KCNH6: variants seen among roughly 807,000 people sequenced by gnomAD.
KCNH6 encodes the protein voltage-gated inwardly rectifying potassium channel KCNH6.
In KCNH6, 81 loss-of-function variants were observed where a neutral mutation model predicts 83.4. The observed-to-expected ratio is 0.97, with a 90% CI of 0.81 to 1.17. The LOEUF (loss-of-function observed/expected upper bound fraction) is 1.17, where lower values mean the gene tolerates loss of function less well. Ranked by LOEUF, KCNH6 falls within the 50% of genes most tolerant of loss-of-function variation. The pLI is 0.00. For missense variants in KCNH6, 1,203 were observed against 1,290.5 expected (o/e 0.93, Z 1.04); for synonymous variants, 503 against 545.6 (o/e 0.92, Z 1.09).
chr17:63,545,248 T>C lies in KCNH6; in HGVS notation c.2567T>C (p.Phe856Ser), dbSNP rs768098274. 5.8e-5 allele frequency: 94 copies of C among 1,613,346 alleles called. No homozygotes were observed. The highest frequency in any genetic ancestry group is 7.5e-5 in the Non-Finnish European group (89 of 1,180,030). The change falls in exon 12 of 13, where the codon TTT becomes TCT. Residue 856 changes from phenylalanine to serine, a missense_variant. By Grantham distance (155) the Phe-to-Ser change is radical (BLOSUM62 -2). Coordinates refer to ENST00000314672, the MANE Select transcript of KCNH6 (RefSeq NM_001278919.2). ...CCAGGGCCCAGGCTGCCCCAGGGCT[T>C]TCTGCCTCCTGCACAGGTAAGAGGT... ...TSPGPRLPQG[F>S]LPPAQTPSYG...
intron 4 of KCNH6, 72 bp downstream of exon 4, chr17:63,530,614 A>C: frequency 7.0e-7 from 1 of 1,423,374 alleles, no homozygotes; most frequent in Admixed American, 1.7e-5. Context: ...CTCTGGGCCC[A>C]GGCCCTTCTG....
Position 63,523,392 on chromosome 17 carries a change from G to C in KCNH6, c.-22G>C, listed in dbSNP as rs202094439. ...GGGAGCCAGTGGCGCCTGTGGCTCC[G>C]GGCAGGGGCCGCGGCCGAAAGATGC... On this transcript the variant is annotated 5_prime_UTR_variant, in exon 1 of 13. Coordinates refer to ENST00000314672, the MANE Select transcript of KCNH6 (RefSeq NM_001278919.2). This position sits in a 1 kb window ranked among gnomAD's most constrained non-coding sequence, Gnocchi z 4.2. The C allele has an allele frequency of 1.3e-5, 20 of 1,580,682 alleles. No homozygotes were observed. The African/African-American group carries it at 1.9e-4, about 15-fold the overall frequency.
At position 63,524,762 on chromosome 17, in the gene KCNH6, G is replaced by T. The variant is rs769561738; in HGVS notation, c.307+393G>T. ...GAGTCACCTCCTGAAGACCTCTGTG[G>T]CCAGGCAAGGCATGGGGGCTTTTGG... is the stretch of plus-strand genomic sequence containing the variant. On this transcript the variant is annotated intron_variant, in intron 2 of 12. Transcript: ENST00000314672. 3.0e-4 allele frequency among the ~76,000 whole-genome samples: 45 copies of T among 152,138 alleles called. 1 individual carries two copies. Among genetic ancestry groups the T allele is most frequent in the Non-Finnish European group, 7.4e-5 (5 of 68,004 alleles).
chr17:63,544,282 C>A lies in KCNH6; in HGVS notation c.2267C>A (p.Ser756Tyr). The A allele has an allele frequency of 6.2e-7, 1 of 1,604,292 alleles. No individual in the cohort carries two copies. The highest frequency in any genetic ancestry group is 8.5e-7 in the Non-Finnish European group (1 of 1,175,286). ...AAPPLSISDA[S>Y]GLWPELLQEM... ...CCTCCCCTGAGCATCTCAGATGCAT[C>A]TGGCCTCTGGCCTGAGCTACTGCAG... The change falls in exon 11 of 13, where the codon TCT (serine) becomes TAT (tyrosine). Residue 756 changes from serine (S) to tyrosine (Y), a missense_variant. By Grantham distance (144) the Ser-to-Tyr change is moderately radical (BLOSUM62 -2). Coordinates refer to ENST00000314672, the MANE Select transcript of KCNH6 (RefSeq NM_001278919.2).
In KCNH6 at chr17:63,535,799, T is replaced by G; in HGVS notation, c.1232T>G (p.Ile411Arg). Residue 411 changes from isoleucine to arginine, a missense_variant, in exon 6 of 13, where the codon ATA becomes AGA. Ile to Arg is a moderately conservative substitution (Grantham distance 97). Coordinates refer to ENST00000314672, the MANE Select transcript of KCNH6 (RefSeq NM_001278919.2). The surrounding 1 kb of genome is among the most constrained non-coding windows in gnomAD (Gnocchi z 4.9). ...TTGCTCATGTGCACCTTCGCGCTCA[T>G]AGCGCACTGGCTGGCCTGCATCTGG... ...LFLLMCTFAL[I>R]AHWLACIWYA... 1 of 1,614,254 alleles carries G rather than the reference T, an allele frequency of 6.2e-7. No individual in the cohort carries two copies. The highest frequency in any genetic ancestry group is 1.6e-4 in the Middle Eastern group (1 of 6,062).
At position 63,545,265 on chromosome 17, in the gene KCNH6, G is replaced by GT. The variant is rs772498337; in HGVS notation, c.2583+2dup. On this transcript the variant is annotated splice_donor_variant, in intron 12 of 12. Transcript: ENST00000314672. LOFTEE classifies it high-confidence loss of function. ...CCAGGGCTTTCTGCCTCCTGCACAG[G>GT]TAAGAGGTGAGGGGATTCCCAGGGG... 2.5e-5 allele frequency: 40 copies of GT among 1,613,114 alleles called. No individual in the cohort carries two copies. The South Asian group carries it at 4.0e-4, about 16-fold the overall frequency.
In KCNH6 at chr17:63,523,390, C is replaced by T. The variant is rs1353725554; in HGVS notation, c.-24C>T. On this transcript the variant is annotated 5_prime_UTR_variant, in exon 1 of 13. Coordinates refer to ENST00000314672, the MANE Select transcript of KCNH6 (RefSeq NM_001278919.2). This position sits in a 1 kb window ranked among gnomAD's most constrained non-coding sequence, Gnocchi z 4.2. ...CCGGGAGCCAGTGGCGCCTGTGGCTCCGGGCAGGGGCCGCGGCCGAAAGAT... is the reference window on the plus strand; with the variant it reads ...CCGGGAGCCAGTGGCGCCTGTGGCTTCGGGCAGGGGCCGCGGCCGAAAGAT... The T allele has an allele frequency of 6.3e-7, 1 of 1,576,976 alleles. No homozygotes were observed. Among genetic ancestry groups the T allele is most frequent in the Non-Finnish European group, 8.6e-7 (1 of 1,164,690 alleles).
Position 63,545,170 on chromosome 17 carries a change from C to A in KCNH6, c.2489C>A (p.Ala830Asp), listed in dbSNP as rs146648647. 1,250 of 1,613,850 alleles carry A rather than the reference C, an allele frequency of 7.7e-4. 11 individuals are homozygous for A. In the South Asian group the frequency reaches 9.2e-3, roughly 12 times the overall value. The change falls in exon 12 of 13, where the codon GCC becomes GAC. Residue 830 changes from alanine (A) to aspartate (D), a missense_variant. Physicochemically the swap from Ala to Asp is moderately radical, Grantham distance 126 (BLOSUM62 -2). Coordinates refer to ENST00000314672, the MANE Select transcript of KCNH6 (RefSeq NM_001278919.2). ...GGCCACGCCAGCTACATTCTGGAAG[C>A]CCCTGCCTCCAATGACCTGGCCTTG... Reference protein sequence around the residue: ...PQGHASYILEAPASNDLALVP... With the variant: ...PQGHASYILEDPASNDLALVP...
In KCNH6 at chr17:63,538,804, G is replaced by A; in HGVS notation, c.1954+142G>A. 1.1e-6 allele frequency: 1 copy of A among 871,842 alleles called. No individual in the cohort carries two copies. The highest frequency in any genetic ancestry group is 2.0e-5 in the South Asian group (1 of 50,588). 54.0% of individuals were successfully genotyped at this position (871,842 alleles called of 1,614,324 possible). A position where few individuals can be genotyped will look rare whatever the true frequency, so the allele number is the denominator to read the frequency against. On this transcript the variant is annotated intron_variant, in intron 8 of 12. Transcript: ENST00000314672. This position sits in a 1 kb window ranked among gnomAD's most constrained non-coding sequence, Gnocchi z 4.0. The stretch of plus-strand genomic sequence containing the variant: ...CCACTTGCACAGCATGTGCCCGGGA[G>A]AGCTTTAGACCCAGCTGGCTGAATC...
At chr17:63,527,256 C>T (rs1390282461) in intron 2 of KCNH6, among the ~76,000 whole-genome samples, 3 of 152,190 alleles carry the variant, frequency 2.0e-5, no homozygotes. Flanking sequence ...ACCATATGCA[C>T]ATCTGTGAAT....
intron 2 of KCNH6, among the ~76,000 whole-genome samples, chr17:63,526,418 G>A (rs1435207471): frequency 6.9e-6 from 1 of 145,918 alleles, no homozygotes; most frequent in East Asian, 2.0e-4. Flanking sequence ...TTGAGACAGG[G>A]TCTTGCTCTG....
chr17:63,544,735 C>G (rs893580075), intron 11 of KCNH6, among the ~76,000 whole-genome samples: 1 of 152,136 alleles, frequency 6.6e-6, no homozygotes, highest in African/African-American at 2.4e-5. Flanking sequence ...GGTTCAAATT[C>G]TGGCTCTGTT....
rs775632939 is a variant in KCNH6, at chr17:63,538,451, C to T, written c.1743C>T (p.Cys581=). The T allele has an allele frequency of 2.5e-6, 4 of 1,603,364 alleles. No individual in the cohort carries two copies. The Admixed American group carries it at 6.8e-5, about 27-fold the overall frequency. The change falls in exon 8 of 13, where the codon TGC becomes TGT. Residue 581 remains cysteine, a synonymous_variant. Coordinates refer to ENST00000314672, the MANE Select transcript of KCNH6 (RefSeq NM_001278919.2). This position sits in a 1 kb window ranked among gnomAD's most constrained non-coding sequence, Gnocchi z 4.0. ...CCGAGTGCCTGCAGGCTGACATCTG[C>T]CTGCACCTGCACCGCGCACTGCTGC... is the stretch of plus-strand genomic sequence containing the variant. ...GFPECLQADI[C]LHLHRALLQH...
At position 63,530,521 on chromosome 17, in the gene KCNH6, C is replaced by T. The variant is rs1000605584; in HGVS notation, c.654C>T (p.Asn218=). Residue 218 remains asparagine (N), a synonymous_variant, in exon 4 of 13, where the codon AAC becomes AAT. Transcript: ENST00000314672. ...APHKVVERTQ[N]VTEKVTQVLS... ...ATAAGGTGGTGGAGCGGACACAGAA[C>T]GTCACTGAGAAGGTCACCCAGGTGC... 7.0e-5 allele frequency: 113 copies of T among 1,614,006 alleles called. No homozygotes were observed. In the Admixed American group the frequency reaches 1.1e-3, roughly 16 times the overall value.
At chr17:63,543,428 G>C (rs2032978245) in intron 9 of KCNH6, 148 bp from the exon 10 acceptor site, 1 of 630,108 alleles carries the variant, frequency 1.6e-6, no homozygotes, top group Non-Finnish European at 2.9e-6. Flanking sequence ...CCACCTGCAG[G>C]AAGTCGTCCA....
Position 63,533,073 on chromosome 17 carries a change from G to GGCCTGGCTTCAGTACCCAT in KCNH6, c.676-809_676-791dup, listed in dbSNP as rs553944555. On this transcript the variant is annotated intron_variant, in intron 4 of 12. Coordinates refer to ENST00000314672, the MANE Select transcript of KCNH6 (RefSeq NM_001278919.2). The surrounding 1 kb of genome is among the most constrained non-coding windows in gnomAD (Gnocchi z 4.1). ...GTCAGACCTGGGATTCAACCGGGGA[G>GGCCTGGCTTCAGTACCCAT]GCCTGGCTTCAGTACCCATGCCCTT... 0.014 allele frequency among the ~76,000 whole-genome samples: 2,194 copies of GGCCTGGCTTCAGTACCCAT among 152,176 alleles called. 25 individuals are homozygous for GGCCTGGCTTCAGTACCCAT. Among genetic ancestry groups the GGCCTGGCTTCAGTACCCAT allele is most frequent in the Middle Eastern group, 0.031 (9 of 292 alleles).
At position 63,543,677 on chromosome 17, in the gene KCNH6, C is replaced by A. The variant is rs201162678; in HGVS notation, c.2233+17C>A. 2.0e-6 allele frequency: 3 copies of A among 1,524,898 alleles called. No individual in the cohort carries two copies. The highest frequency in any genetic ancestry group is 2.7e-6 in the Non-Finnish European group (3 of 1,099,920). The allele number at this position is 1,524,898 out of a possible 1,614,324, so 94.5% of individuals were successfully genotyped here. On this transcript the variant is annotated intron_variant, in intron 10 of 12. Coordinates refer to ENST00000314672, the MANE Select transcript of KCNH6 (RefSeq NM_001278919.2). ...ACCAGTCAGGTGAGCAAAGCCAGCC[C>A]CCACCCCCACCAGCCTGTAGCCCCT...
intron 6 of KCNH6, among the ~76,000 whole-genome samples, chr17:63,536,786 C>G (rs182341713): frequency 4.0e-5 from 6 of 150,468 alleles, no homozygotes; most frequent in African/African-American, 1.5e-4. Context: ...GAAACCCTGT[C>G]TCTACTAAAA....
Position 63,534,774 on chromosome 17 carries a change from G to A in KCNH6, c.1101+463G>A, listed in dbSNP as rs756742071. On this transcript the variant is annotated intron_variant, in intron 5 of 12. Transcript: ENST00000314672. This position sits in a 1 kb window ranked among gnomAD's most constrained non-coding sequence, Gnocchi z 5.0. ...CCTTTCTCATAGCTTCCAGTCCCAC[G>A]GTCTCCTCTTGCCCCCTCTCCTCAC... 4.0e-5 allele frequency among the ~76,000 whole-genome samples: 6 copies of A among 151,868 alleles called. No homozygotes were observed. Among genetic ancestry groups the A allele is most frequent in the Admixed American group, 2.6e-4 (4 of 15,246 alleles).
Sources: gnomAD v4.1 joint callset for allele counts (sites outside exome capture counted in the v4.1 genomes callset) on GRCh38, gnomAD v4.1.1 for gene constraint, Gnocchi (gnomAD v3.1) non-coding constraint, MANE v1.5 for transcripts, NCBI Gene and HGNC (gene_info 2026-07-23, HGNC 2026-07-21) for gene names.